MYO10: variants seen among roughly 807,000 people sequenced by gnomAD.
MYO10 encodes the protein unconventional myosin-X.
MYO10 carries 133 observed loss-of-function variants against 257.3 expected under a neutral mutation model. The observed-to-expected ratio is 0.52, with a 90% CI of 0.45 to 0.60. The LOEUF (loss-of-function observed/expected upper bound fraction) is 0.60, where lower values mean the gene tolerates loss of function less well. Ranked by LOEUF, MYO10 falls within the 20% of genes least tolerant of loss-of-function variation. The pLI is 0.00. For synonymous variants in MYO10, 1,104 were observed against 1,028.6 expected, an observed-to-expected ratio of 1.07 and a Z score of -1.40; for missense variants, 2,399 against 2,635.7, an observed-to-expected ratio of 0.91 and a Z score of 1.97.
At chr5:16,914,085 C>T (rs1249832172) in intron 1 of MYO10, among the ~76,000 whole-genome samples, 8 of 152,168 alleles carry the variant, frequency 5.3e-5, no homozygotes, top group Non-Finnish European at 1.2e-4. Context: ...CAAGTCTGTC[C>T]GATCCTGACC....
At chr5:16,689,183 G>A (rs181394667) in intron 28 of MYO10, among the ~76,000 whole-genome samples, 2 of 152,326 alleles carry the variant, frequency 1.3e-5, no homozygotes, top group Admixed American at 6.5e-5. Flanking sequence ...AATAATTAAT[G>A]TCTACCTTGC....
chr5:16,921,654 A>G (rs1745988923), intron 1 of MYO10, among the ~76,000 whole-genome samples: 1 of 152,046 alleles, frequency 6.6e-6, no homozygotes. Context: ...AAAAAAACGA[A>G]AACAGTGGAG....
At chr5:16,836,294 AT>A (rs1292227012) in intron 2 of MYO10, among the ~76,000 whole-genome samples, 3 of 152,212 alleles carry the variant, frequency 2.0e-5, no homozygotes, top group South Asian at 2.1e-4. Context: ...CTTTCAGTAG[AT>A]AACAAATGGT....
chr5:16,848,155 C>CTTTCTTTTT (rs1743691980), intron 2 of MYO10, among the ~76,000 whole-genome samples: 1 of 113,596 alleles, frequency 8.8e-6, no homozygotes, highest in African/African-American at 3.7e-5. Flanking sequence ...CTACACATTT[C>CTTTCTTTTT]TTTTTTTTTT....
At chr5:16,911,330 A>G (rs1195577602) in intron 1 of MYO10, among the ~76,000 whole-genome samples, 1 of 152,206 alleles carries the variant, frequency 6.6e-6, no homozygotes, top group East Asian at 1.9e-4. Flanking sequence ...CCTTTGCTCC[A>G]AAGTTACACA....
intron 27 of MYO10, among the ~76,000 whole-genome samples, chr5:16,691,384 G>A (rs868127472): frequency 5.8e-4 from 88 of 151,316 alleles, no homozygotes; most frequent in African/African-American, 1.9e-3. Flanking sequence ...TAGAATCACT[G>A]AGATGAAATA....
chr5:16,910,777 A>G (rs1246073193), intron 1 of MYO10, among the ~76,000 whole-genome samples: 2 of 152,180 alleles, frequency 1.3e-5, no homozygotes, highest in Non-Finnish European at 2.9e-5. Context: ...TCATATCCCC[A>G]GCAAGCATCA....
chr5:16,745,208 C>T (rs1304253822), intron 19 of MYO10, among the ~76,000 whole-genome samples: 1 of 151,950 alleles, frequency 6.6e-6, no homozygotes, highest in South Asian at 2.1e-4. Context: ...GGAGTGGTGG[C>T]GGGTATCTGT....
chr5:16,759,252 C>A (rs1055646722), intron 17 of MYO10, among the ~76,000 whole-genome samples: 1 of 152,182 alleles, frequency 6.6e-6, no homozygotes, highest in Non-Finnish European at 1.5e-5. Flanking sequence ...ATCTTCCTTG[C>A]ATGGAAGGTA....
chr5:16,816,080 T>C (rs531824910), intron 3 of MYO10, among the ~76,000 whole-genome samples: 10 of 150,220 alleles, frequency 6.7e-5, no homozygotes, highest in South Asian at 6.3e-4. Context: ...CAGTGGCTCA[T>C]GCCTGTAATC....
chr5:16,668,882 G>A (rs536634977), intron 39 of MYO10, among the ~76,000 whole-genome samples: 20 of 152,166 alleles, frequency 1.3e-4, no homozygotes, highest in East Asian at 1.9e-4. Flanking sequence ...TCCTCTTTGC[G>A]GATGGTTAGT....
chr5:16,672,726 G>A lies in MYO10; in HGVS notation c.5272C>T (p.Arg1758Ter), dbSNP rs773159042. 5 of 1,613,842 alleles carry A rather than the reference G, an allele frequency of 3.1e-6. No individual in the cohort carries two copies. In the Admixed American group the frequency reaches 6.7e-5, roughly 22 times the overall value. ...NGHVDKAIES[R>*]TVVADVLAKF... ...GCTAAGACATCAGCTACGACGGTTC[G>A]ACTTTCAATGGCTTTGTCGACGTGG... Residue 1758 changes from arginine (R) to a stop codon, truncating the protein, a stop_gained, in exon 37 of 41, where the codon CGA becomes TGA. Transcript: ENST00000513610. LOFTEE classifies it high-confidence loss of function.
chr5:16,862,531 C>T (rs970945509), intron 2 of MYO10, among the ~76,000 whole-genome samples: 6 of 152,036 alleles, frequency 3.9e-5, no homozygotes, highest in South Asian at 2.1e-4. Context: ...ACAAGGCCTT[C>T]GCATTTTTCA....
At chr5:16,673,645 G>T (rs1320499181) in intron 36 of MYO10, 37 bp downstream of exon 36, 5 of 1,586,884 alleles carry the variant, frequency 3.2e-6, no homozygotes, top group Non-Finnish European at 4.3e-6. Flanking sequence ...TGCAGCAAAG[G>T]CATCTAACAG....
chr5:16,839,504 G>A (rs1037027540), intron 2 of MYO10, among the ~76,000 whole-genome samples: 10 of 152,110 alleles, frequency 6.6e-5, no homozygotes, highest in African/African-American at 1.9e-4. Context: ...AGCACTTTGG[G>A]GGGCCAAGGT....
chr5:16,900,530 G>A (rs902014388), intron 1 of MYO10, among the ~76,000 whole-genome samples: 1 of 152,072 alleles, frequency 6.6e-6, no homozygotes, highest in Non-Finnish European at 1.5e-5. Flanking sequence ...CCAGCAGGGA[G>A]GTGAGCAGCT....
At chr5:16,718,973 T>C (rs1268653931) in intron 19 of MYO10, among the ~76,000 whole-genome samples, 1 of 152,306 alleles carries the variant, frequency 6.6e-6, no homozygotes, top group Admixed American at 6.5e-5. Context: ...CAGCAGGATG[T>C]GGGTGGGGCC....
intron 2 of MYO10, among the ~76,000 whole-genome samples, chr5:16,825,814 A>G (rs996807782): frequency 1.1e-4 from 16 of 152,256 alleles, no homozygotes; most frequent in African/African-American, 3.9e-4. Context: ...ACGTCATTGC[A>G]CTCCAGCCTG....
intron 17 of MYO10, among the ~76,000 whole-genome samples, chr5:16,758,743 G>T (rs142955716): frequency 2.0e-5 from 3 of 152,216 alleles, no homozygotes; most frequent in African/African-American, 7.2e-5. Flanking sequence ...TTTTCATCTG[G>T]AAAATGGAGA....
Sources: gnomAD v4.1 joint callset for allele counts (sites outside exome capture counted in the v4.1 genomes callset) on GRCh38, gnomAD v4.1.1 for gene constraint, MANE v1.5 for transcripts, NCBI Gene and HGNC (gene_info 2026-07-23, HGNC 2026-07-21) for gene names.